The following PDE3A variants were observed in gnomAD, a reference collection of about 807,000 sequenced individuals.
PDE3A encodes the protein phosphodiesterase 3A.
A neutral mutation model predicts 98.3 loss-of-function variants in PDE3A; 43 were observed. That is an observed-to-expected ratio of 0.44 (90% confidence interval 0.34 to 0.56). PDE3A has a LOEUF of 0.56. Among genes scored for constraint, PDE3A ranks in the 20% least tolerant of loss-of-function variants. The probability of loss-of-function intolerance (pLI) is 0.01; values close to 1 mark genes in which losing one functional copy is unlikely to be tolerated. For synonymous variants in PDE3A, 663 were observed against 567.9 expected (o/e 1.17, Z -2.38); for missense variants, 1,427 against 1,440.7 (o/e 0.99, Z 0.15).
chr12:20,641,975 TAATATG>T (rs1565459882), intron 10 of PDE3A, among the ~76,000 whole-genome samples: 2 of 152,124 alleles, frequency 1.3e-5, no homozygotes, highest in African/African-American at 4.8e-5. Context: ...GATTGTAAAT[TAATATG>T]AATATTTATT....
At chr12:20,589,868 TAAAAAA>T (rs11362815) in intron 2 of PDE3A, among the ~76,000 whole-genome samples, 1 of 112,398 alleles carries the variant, frequency 8.9e-6, no homozygotes, top group African/African-American at 3.4e-5. Flanking sequence ...GACTGCATCT[TAAAAAA>T]AAAAAAAAAA....
chr12:20,472,176 A>G (rs970111207), intron 1 of PDE3A, among the ~76,000 whole-genome samples: 1 of 152,136 alleles, frequency 6.6e-6, no homozygotes, highest in Non-Finnish European at 1.5e-5. Context: ...TGCATTTTCA[A>G]CATGTTTCCT....
intron 1 of PDE3A, among the ~76,000 whole-genome samples, chr12:20,514,972 T>G (rs1356028607): frequency 6.6e-6 from 1 of 152,200 alleles, no homozygotes; most frequent in East Asian, 1.9e-4. Flanking sequence ...AAGTTCAAGA[T>G]TATGATATCA....
chr12:20,466,669 T>C (rs2120948297), intron 1 of PDE3A, among the ~76,000 whole-genome samples: 1 of 152,348 alleles, frequency 6.6e-6, no homozygotes, highest in East Asian at 1.9e-4. Context: ...TGTTTTTCAG[T>C]AGTTGCTGTT....
intron 12 of PDE3A, among the ~76,000 whole-genome samples, chr12:20,647,529 G>T (rs567056204): frequency 6.6e-6 from 1 of 152,014 alleles, no homozygotes; most frequent in Admixed American, 6.5e-5. Context: ...TAAGTATGTA[G>T]ACATACCCAT....
In PDE3A at chr12:20,652,827, G is replaced by A. The variant is rs566610700; in HGVS notation, c.2926-1120G>A. 9.9e-5 allele frequency among the ~76,000 whole-genome samples: 15 copies of A among 152,166 alleles called. No homozygotes were observed. The South Asian group carries it at 2.5e-3, about 25-fold the overall frequency. ...CAACAAAAACCAAAATTGACAAATG[G>A]GGATCTCATCAAACTAAAGAGCTTC... On this transcript the variant is annotated intron_variant, in intron 14 of 15. Coordinates refer to ENST00000359062, the MANE Select transcript of PDE3A (RefSeq NM_000921.5).
intron 1 of PDE3A, among the ~76,000 whole-genome samples, chr12:20,438,194 T>C (rs905404849): frequency 6.6e-6 from 1 of 152,156 alleles, no homozygotes; most frequent in African/African-American, 2.4e-5. Context: ...TATAGCTATT[T>C]ATCTTTTAAG....
rs1245035420 is a variant in PDE3A at position 20,671,979 on chromosome 12, G to T, written c.3185-8051G>T. Among the ~76,000 whole-genome samples the T allele has an allele frequency of 3.4e-5, 5 of 148,438 alleles. No individual in the cohort carries two copies. In the East Asian group the frequency reaches 1.0e-3, roughly 30 times the overall value. On this transcript the variant is annotated intron_variant, in intron 15 of 15. Transcript: ENST00000359062. ...TTGTCTCAGCCCAAAATCTCCTTAA[G>T]CTGATAAGCAACTTCAGCAAAGTCT...
intron 2 of PDE3A, among the ~76,000 whole-genome samples, chr12:20,569,471 C>T (rs184547077): frequency 3.3e-5 from 5 of 152,062 alleles, no homozygotes; most frequent in African/African-American, 4.8e-5. Flanking sequence ...GTGTCCTGTT[C>T]GCAGCAGAAT....
At chr12:20,609,460 TA>T (rs1457819865) in intron 2 of PDE3A, among the ~76,000 whole-genome samples, 2 of 152,020 alleles carry the variant, frequency 1.3e-5, no homozygotes, top group Non-Finnish European at 2.9e-5. Flanking sequence ...GAAGTATTGT[TA>T]AAATATTTAT....
intron 15 of PDE3A, among the ~76,000 whole-genome samples, chr12:20,654,621 T>G (rs1944998930): frequency 6.7e-6 from 1 of 150,062 alleles, no homozygotes; most frequent in South Asian, 2.1e-4. Context: ...CTCAGCCTCC[T>G]GAGTAGCTGG....
intron 1 of PDE3A, among the ~76,000 whole-genome samples, chr12:20,518,453 A>G (rs980467435): frequency 1.3e-5 from 2 of 152,188 alleles, no homozygotes; most frequent in Non-Finnish European, 2.9e-5. Flanking sequence ...GTATAACCAA[A>G]TTTATCCCTT....
chr12:20,384,902 G>A (rs1179959186), intron 1 of PDE3A, among the ~76,000 whole-genome samples: 4 of 152,076 alleles, frequency 2.6e-5, no homozygotes, highest in African/African-American at 9.7e-5. Context: ...TGGTGTATAT[G>A]TACCACATTT....
At chr12:20,431,948 C>T (rs917149066) in intron 1 of PDE3A, among the ~76,000 whole-genome samples, 2 of 152,156 alleles carry the variant, frequency 1.3e-5, no homozygotes, top group African/African-American at 4.8e-5. Context: ...GCCTGGTGAC[C>T]TGGCTTCAAG....
At chr12:20,611,759 C>T (rs1242847430) in intron 2 of PDE3A, among the ~76,000 whole-genome samples, 2 of 151,798 alleles carry the variant, frequency 1.3e-5, no homozygotes, top group African/African-American at 4.8e-5. Context: ...TTTCTAATTA[C>T]AAGAATAATA....
intron 13 of PDE3A, 44 bp from the exon 14 acceptor site, chr12:20,650,400 GT>G (rs1388764313): frequency 7.3e-7 from 1 of 1,363,126 alleles, no homozygotes; most frequent in African/African-American, 1.4e-5. Context: ...TTCAACTTTT[GT>G]TTTTATCAAA....
rs530425130 is a variant in PDE3A at position 20,679,870 on chromosome 12, TAATA to T, written c.3185-159_3185-156del. On this transcript the variant is annotated intron_variant, in intron 15 of 15. Transcript: ENST00000359062. The stretch of plus-strand genomic sequence containing the variant: ...TGCATTATTATAATATACAGTATTA[TAATA>T]TATATATTATATATATAATAATATA... 8.8e-3 allele frequency among the ~76,000 whole-genome samples: 934 copies of T among 105,698 alleles called. 2 individuals carry two copies. Among genetic ancestry groups the T allele is most frequent in the African/African-American group, 0.044 (899 of 20,418 alleles). 69.3% of individuals were successfully genotyped at this position (105,698 alleles called of 152,430 possible).
chr12:20,602,568 A>T (rs1271824176), intron 2 of PDE3A, among the ~76,000 whole-genome samples: 4 of 152,196 alleles, frequency 2.6e-5, no homozygotes, highest in African/African-American at 9.7e-5. Flanking sequence ...AAAGAGAAGG[A>T]TGTTAAGAAT....
At chr12:20,405,160 T>G (rs1399641897) in intron 1 of PDE3A, among the ~76,000 whole-genome samples, 2 of 152,144 alleles carry the variant, frequency 1.3e-5, no homozygotes, top group Non-Finnish European at 2.9e-5. Context: ...TGCTTCTTAT[T>G]AATCCTTCTC....
Sources: allele counts gnomAD v4.1 joint callset (sites outside exome capture counted in the v4.1 genomes callset), GRCh38; gene constraint gnomAD v4.1.1; transcripts MANE v1.5; gene names NCBI Gene and HGNC (gene_info 2026-07-23, HGNC 2026-07-21).